TNS3: variants seen among roughly 807,000 people sequenced by gnomAD.
The protein encoded by TNS3 is tensin 3, also known as tensin-3.
TNS3 carries 45 observed loss-of-function variants against 140.9 expected under a neutral mutation model. That is an observed-to-expected ratio of 0.32 (90% CI 0.25 to 0.41). The LOEUF is 0.41. Ranked by LOEUF, TNS3 falls within the 10% of genes least tolerant of loss-of-function variation. The pLI is 1.00. For missense variants in TNS3, 1,716 were observed against 1,906.7 expected, an observed-to-expected ratio of 0.90 and a Z score of 1.86; for synonymous variants, 815 against 788.4, an observed-to-expected ratio of 1.03 and a Z score of -0.56.
chr7:47,454,655 A>G (rs1050373611), intron 4 of TNS3, among the ~76,000 whole-genome samples: 6 of 152,146 alleles, frequency 3.9e-5, no homozygotes, highest in Non-Finnish European at 5.9e-5. Context: ...AGGACAGGCC[A>G]GTTTATTCCT....
chr7:47,552,758 G>A (rs186508317), intron 1 of TNS3, among the ~76,000 whole-genome samples: 1 of 152,278 alleles, frequency 6.6e-6, no homozygotes, highest in East Asian at 1.9e-4. Flanking sequence ...TTAATAACCA[G>A]TAGTGTTGAA....
intron 22 of TNS3, among the ~76,000 whole-genome samples, chr7:47,302,480 G>A (rs1169058629): frequency 6.6e-6 from 1 of 152,164 alleles, no homozygotes. Context: ...CAGGATGCTT[G>A]GATTGAGCCT....
chr7:47,550,529 G>A (rs796177195), intron 1 of TNS3, among the ~76,000 whole-genome samples: 18 of 152,312 alleles, frequency 1.2e-4, no homozygotes, highest in African/African-American at 4.3e-4. Flanking sequence ...CCAGGAGATA[G>A]AAGCACAAAG....
intron 2 of TNS3, among the ~76,000 whole-genome samples, chr7:47,524,758 C>T (rs557870221): frequency 9.5e-5 from 13 of 137,316 alleles, no homozygotes; most frequent in Admixed American, 4.5e-4. Context: ...GCCGAGATCG[C>T]GCCACTGCAG....
At chr7:47,451,892 G>C (rs1290937424) in intron 4 of TNS3, among the ~76,000 whole-genome samples, 1 of 152,258 alleles carries the variant, frequency 6.6e-6, no homozygotes, top group South Asian at 2.1e-4. Flanking sequence ...ACGACTTGGG[G>C]GTTCAGCACA....
chr7:47,325,337 C>G (rs1326742915), intron 20 of TNS3, among the ~76,000 whole-genome samples: 1 of 152,164 alleles, frequency 6.6e-6, no homozygotes, highest in African/African-American at 2.4e-5. Flanking sequence ...TTGTAAAACC[C>G]TGTTTAACTT....
chr7:47,580,409 G>A (rs1003698997), intron 1 of TNS3, among the ~76,000 whole-genome samples: 1 of 152,170 alleles, frequency 6.6e-6, no homozygotes, highest in Non-Finnish European at 1.5e-5. Context: ...ACACTCAATC[G>A]GTATGCCTGT....
At position 47,491,223 on chromosome 7, in the gene TNS3, G is replaced by C. The variant is rs1306417942; in HGVS notation, c.-114-10082C>G. Among the ~76,000 whole-genome samples the C allele has an allele frequency of 2.6e-5, 4 of 152,220 alleles. No homozygotes were observed. In the South Asian group the frequency reaches 6.2e-4, roughly 24 times the overall value. On this transcript the variant is annotated intron_variant, in intron 3 of 30. Coordinates refer to ENST00000311160, the MANE Select transcript of TNS3 (RefSeq NM_022748.12). The stretch of plus-strand genomic sequence containing the variant: ...AACATGCACGGTATGTGGTGTTCTT[G>C]AATGTAAGCTTCGGTTTTAAACAAA...
At chr7:47,535,080 C>T (rs1469821255) in intron 1 of TNS3, among the ~76,000 whole-genome samples, 2 of 152,220 alleles carry the variant, frequency 1.3e-5, no homozygotes, top group African/African-American at 4.8e-5. Context: ...GCCTTCTCTC[C>T]TGTGCTATAT....
At chr7:47,335,155 C>A (rs1788561966) in intron 20 of TNS3, among the ~76,000 whole-genome samples, 1 of 152,184 alleles carries the variant, frequency 6.6e-6, no homozygotes, top group South Asian at 2.1e-4. Context: ...TTCTGAGAAG[C>A]CTAAGGATAC....
At chr7:47,437,817 A>G (rs1283558561) in intron 6 of TNS3, among the ~76,000 whole-genome samples, 2 of 149,772 alleles carry the variant, frequency 1.3e-5, no homozygotes, top group Non-Finnish European at 3.0e-5. Context: ...ATATATATAC[A>G]CATATATATA....
chr7:47,566,061 G>A (rs1262982121), intron 1 of TNS3, among the ~76,000 whole-genome samples: 1 of 152,154 alleles, frequency 6.6e-6, no homozygotes, highest in Non-Finnish European at 1.5e-5. Flanking sequence ...CAGATGAGTG[G>A]TTCTAAACCC....
chr7:47,443,765 T>C (rs1338575735), intron 4 of TNS3, among the ~76,000 whole-genome samples: 1 of 151,890 alleles, frequency 6.6e-6, no homozygotes, highest in Admixed American at 6.6e-5. Flanking sequence ...CTACTAAAAA[T>C]ACAAAAATTA....
Position 47,581,845 on chromosome 7 carries a change from C to T in TNS3, c.-265+206G>A, listed in dbSNP as rs975034262. Among the ~76,000 whole-genome samples the T allele has an allele frequency of 3.9e-5, 6 of 151,968 alleles. No individual in the cohort carries two copies. In the East Asian group the frequency reaches 1.2e-3, roughly 30 times the overall value. ...TCCCTAACCTGGGTTCTCCCGTGAC[C>T]CCATCCCCGCGCCCTGAGCTCCCGT... On this transcript the variant is annotated intron_variant, in intron 1 of 30. Coordinates refer to ENST00000311160, the MANE Select transcript of TNS3 (RefSeq NM_022748.12).
At chr7:47,502,462 G>C (rs1356933227) in intron 3 of TNS3, among the ~76,000 whole-genome samples, 2 of 152,222 alleles carry the variant, frequency 1.3e-5, no homozygotes, top group Non-Finnish European at 2.9e-5. Context: ...CCATGGCAGA[G>C]GACCAAGTCT....
intron 4 of TNS3, among the ~76,000 whole-genome samples, chr7:47,466,611 T>C (rs561978836): frequency 1.2e-3 from 181 of 152,332 alleles, no homozygotes; most frequent in African/African-American, 3.9e-3. Context: ...GATCTGAGGC[T>C]GGGTCTGATT....
At chr7:47,330,999 C>T (rs539874883) in intron 20 of TNS3, among the ~76,000 whole-genome samples, 18 of 152,290 alleles carry the variant, frequency 1.2e-4, no homozygotes, top group African/African-American at 4.3e-4. Context: ...TAAGAGGAAC[C>T]CTGGACCAGC....
intron 17 of TNS3, among the ~76,000 whole-genome samples, chr7:47,355,693 T>G (rs1789954837): frequency 6.6e-6 from 1 of 152,322 alleles, no homozygotes. Flanking sequence ...CCAAATACAC[T>G]GAACTCCCAA....
intron 1 of TNS3, among the ~76,000 whole-genome samples, chr7:47,535,836 G>A (rs566021638): frequency 1.4e-3 from 206 of 152,344 alleles, no homozygotes; most frequent in Non-Finnish European, 2.0e-3. Flanking sequence ...GGTCGCCCTG[G>A]CAAAATGGTT....
Sources: gnomAD v4.1 joint callset for allele counts (sites outside exome capture counted in the v4.1 genomes callset) on GRCh38, gnomAD v4.1.1 for gene constraint, MANE v1.5 for transcripts, NCBI Gene and HGNC (gene_info 2026-07-23, HGNC 2026-07-21) for gene names.